DYNC1LI2: variants seen among roughly 807,000 people sequenced by gnomAD.
DYNC1LI2 encodes cytoplasmic dynein 1 light intermediate chain 2.
DYNC1LI2 carries 19 observed loss-of-function variants against 57.8 expected under a neutral mutation model. The observed-to-expected ratio is 0.33, with a 90% CI of 0.23 to 0.48. The LOEUF is 0.48. Ranked by LOEUF, DYNC1LI2 falls within the 20% of genes least tolerant of loss-of-function variation. The pLI is 0.99. For synonymous variants in DYNC1LI2, 256 were observed against 233.4 expected (o/e 1.10, Z -0.88); for missense variants, 470 against 604.2 (o/e 0.78, Z 2.33).
chr16:66,735,301 A>G (rs556915133), intron 5 of DYNC1LI2, among the ~76,000 whole-genome samples: 2 of 151,730 alleles, frequency 1.3e-5, no homozygotes, highest in African/African-American at 2.4e-5. Flanking sequence ...GGGTTTCACC[A>G]TGTCGGCCAG....
intron 3 of DYNC1LI2, among the ~76,000 whole-genome samples, chr16:66,748,754 A>G (rs2017985827): frequency 6.6e-6 from 1 of 152,108 alleles, no homozygotes; most frequent in Non-Finnish European, 1.5e-5. Context: ...AACTGTCACA[A>G]AGAGATTCAG....
rs886640261 is a variant in DYNC1LI2 at position 66,722,051 on chromosome 16, T to C, written c.*1671A>G. On this transcript the variant is annotated 3_prime_UTR_variant, in exon 13 of 13. Transcript: ENST00000258198. ...AAACTGAATTAAAAAAGGAAAAAAA[T>C]AGTATATCTCAACAATAAAACTGGC... is the stretch of plus-strand genomic sequence containing the variant. The C allele has an allele frequency of 6.6e-6, 1 of 152,516 alleles. No homozygotes were observed. Among genetic ancestry groups the C allele is most frequent in the African/African-American group, 2.4e-5 (1 of 41,396 alleles). The allele number at this position is 152,516 out of a possible 1,614,324, so 9.4% of individuals were successfully genotyped here.
chr16:66,748,305 A>AAAAAAAAAAAAAAAT (rs1441454828), intron 3 of DYNC1LI2, among the ~76,000 whole-genome samples: 1 of 137,342 alleles, frequency 7.3e-6, no homozygotes, highest in African/African-American at 2.8e-5. Flanking sequence ...AAAAAAAAAA[A>AAAAAAAAAAAAAAAT]CTAACATAAA....
intron 3 of DYNC1LI2, among the ~76,000 whole-genome samples, chr16:66,745,419 C>T (rs2145004811): frequency 6.6e-6 from 1 of 151,872 alleles, no homozygotes; most frequent in East Asian, 2.0e-4. Context: ...GCTGGGATTA[C>T]AGTTGTGTGC....
intron 5 of DYNC1LI2, among the ~76,000 whole-genome samples, chr16:66,734,946 G>A (rs1390720837): frequency 2.6e-5 from 3 of 113,848 alleles, no homozygotes; most frequent in South Asian, 3.0e-4. Flanking sequence ...GCAGTGAGCC[G>A]AGATCACACC....
intron 5 of DYNC1LI2, among the ~76,000 whole-genome samples, chr16:66,734,633 G>C (rs994777703): frequency 2.0e-5 from 3 of 152,014 alleles, no homozygotes; most frequent in Non-Finnish European, 4.4e-5. Context: ...CCATTCTCAA[G>C]AACAGGATGA....
intron 4 of DYNC1LI2, among the ~76,000 whole-genome samples, chr16:66,738,482 C>T (rs1194412572): frequency 6.6e-6 from 1 of 151,452 alleles, no homozygotes; most frequent in East Asian, 2.0e-4. Flanking sequence ...GAACTCCTGA[C>T]CTTGTGATCC....
intron 12 of DYNC1LI2, 24 bp downstream of exon 12, chr16:66,725,803 AC>A: frequency 6.2e-7 from 1 of 1,605,730 alleles, no homozygotes; most frequent in Non-Finnish European, 8.5e-7. Context: ...CACAAGAGTC[AC>A]AAGTCTCCAG....
At position 66,722,463 on chromosome 16, in the gene DYNC1LI2, A is replaced by AT. The variant is rs2017464849; in HGVS notation, c.*1258dup. On this transcript the variant is annotated 3_prime_UTR_variant, in exon 13 of 13. Transcript: ENST00000258198. The stretch of plus-strand genomic sequence containing the variant: ...ATCATTTCCAGAATGGTGGTATAAC[A>AT]TGACAATGTGCATGAATTTGCCCTA... 2 of 152,660 alleles carry AT rather than the reference A, an allele frequency of 1.3e-5. No homozygotes were observed. The allele number at this position is 152,660 out of a possible 1,614,324, so 9.5% of individuals were successfully genotyped here.
rs1243841977 is a variant in DYNC1LI2, at chr16:66,749,221, T to C, written c.274A>G (p.Ser92Gly). The C allele has an allele frequency of 6.2e-7, 1 of 1,614,224 alleles. No individual in the cohort carries two copies. Among genetic ancestry groups the C allele is most frequent in the Non-Finnish European group, 8.5e-7 (1 of 1,180,036 alleles). Residue 92 changes from serine (S) to glycine (G), a missense_variant, in exon 3 of 13, where the codon AGT becomes GGT. Ser to Gly is a moderately conservative substitution (Grantham distance 56, BLOSUM62 0). Coordinates refer to ENST00000258198, the MANE Select transcript of DYNC1LI2 (RefSeq NM_006141.3). ...KGRGLEYLYL[S>G]VHDEDRDDHT... ...CCATCTCGGTCCTCATCATGGACAC[T>C]GAGGTAGAGATATTCTAGGCCTCTT...
chr16:66,737,060 G>C (rs1221397187), intron 4 of DYNC1LI2, among the ~76,000 whole-genome samples: 1 of 152,138 alleles, frequency 6.6e-6, no homozygotes, highest in Non-Finnish European at 1.5e-5. Flanking sequence ...TTCACCTGAG[G>C]TCAGGAGTTT....
At chr16:66,724,703 G>C (rs1166597450) in intron 12 of DYNC1LI2, 1 of 152,218 alleles carries the variant, frequency 6.6e-6, no homozygotes, top group Non-Finnish European at 1.5e-5. Context: ...CCACAGAGGT[G>C]TGTATGTGAC....
intron 3 of DYNC1LI2, among the ~76,000 whole-genome samples, chr16:66,745,576 C>T (rs1320134221): frequency 1.3e-5 from 2 of 151,500 alleles, no homozygotes; most frequent in Non-Finnish European, 2.9e-5. Flanking sequence ...CCGCGCCCGG[C>T]CTATTAGCTT....
intron 4 of DYNC1LI2, chr16:66,738,213 C>T (rs540678766): frequency 1.3e-5 from 2 of 148,540 alleles, no homozygotes; most frequent in East Asian, 3.9e-4. Context: ...CCCTAAAGTG[C>T]AGATGTGATA....
At position 66,751,344 on chromosome 16, in the gene DYNC1LI2, G is replaced by A. The variant is rs761825724; in HGVS notation, c.110C>T (p.Ser37Phe). ...GGTGGACACTTCGCTCAGAATGGAG[G>A]ACCTGTGGCGACAATGGCAAGAGTG... ...SEEEEGQSLWSSILSEVSTRA... is the reference protein window; with the variant it reads ...SEEEEGQSLWFSILSEVSTRA... Residue 37 changes from serine to phenylalanine, a missense_variant and splice_region_variant, in exon 2 of 13, where the codon TCC (serine) becomes TTC (phenylalanine). Coordinates refer to ENST00000258198, the MANE Select transcript of DYNC1LI2 (RefSeq NM_006141.3). The surrounding 1 kb of genome is among the most constrained non-coding windows in gnomAD (Gnocchi z 5.2). 19 of 1,611,514 alleles carry A rather than the reference G, an allele frequency of 1.2e-5. No homozygotes were observed. Among genetic ancestry groups the A allele is most frequent in the Non-Finnish European group, 1.5e-5 (18 of 1,178,824 alleles).
intron 11 of DYNC1LI2, among the ~76,000 whole-genome samples, chr16:66,726,947 C>T (rs1211980180): frequency 6.6e-6 from 1 of 151,420 alleles, no homozygotes; most frequent in Non-Finnish European, 1.5e-5. Flanking sequence ...AACAGTCTCT[C>T]ACTCTGTCAC....
Position 66,736,070 on chromosome 16 carries a change from C to A in DYNC1LI2, c.699+5G>T. The A allele has an allele frequency of 6.2e-7, 1 of 1,612,556 alleles. No homozygotes were observed. The highest frequency in any genetic ancestry group is 2.2e-5 in the East Asian group (1 of 44,848). On this transcript the variant is annotated splice_donor_5th_base_variant and intron_variant, in intron 5 of 12. Coordinates refer to ENST00000258198, the MANE Select transcript of DYNC1LI2 (RefSeq NM_006141.3). ...CAGCCAAGCCAACAACCCCCTGGCA[C>A]ACACCTTTGTGCACACCACCAACAC...
chr16:66,736,379 A>G (rs777233209), intron 4 of DYNC1LI2, 135 bp from the exon 5 acceptor site: 26 of 1,037,588 alleles, frequency 2.5e-5, no homozygotes, highest in Non-Finnish European at 3.4e-5. Context: ...GTCACATCCA[A>G]CTGCAAAATC....
chr16:66,726,514 C>A (rs984295838), intron 11 of DYNC1LI2, among the ~76,000 whole-genome samples: 2 of 152,254 alleles, frequency 1.3e-5, no homozygotes, highest in Non-Finnish European at 2.9e-5. Flanking sequence ...ACTCCCTCAG[C>A]CAGGGGTGGT....
Sources: gnomAD v4.1 joint callset for allele counts (sites outside exome capture counted in the v4.1 genomes callset) on GRCh38, gnomAD v4.1.1 for gene constraint, Gnocchi (gnomAD v3.1) non-coding constraint, MANE v1.5 for transcripts, NCBI Gene and HGNC (gene_info 2026-07-23, HGNC 2026-07-21) for gene names.